Variants in OPCML observed in about 807,000 individuals in gnomAD.
OPCML encodes the protein opioid binding protein/cell adhesion molecule like.
In OPCML, 13 loss-of-function variants were observed where a neutral mutation model predicts 37.8. That is an observed-to-expected ratio of 0.34 (90% CI 0.22 to 0.55). The LOEUF (loss-of-function observed/expected upper bound fraction) is 0.55, where lower values mean the gene tolerates loss of function less well. Among genes scored for constraint, OPCML ranks in the 20% least tolerant of loss-of-function variants. The probability of loss-of-function intolerance (pLI) is 0.91; values close to 1 mark genes in which losing one functional copy is unlikely to be tolerated. For missense variants in OPCML, 341 were observed against 435.6 expected (o/e 0.78, Z 1.93); for synonymous variants, 176 against 168.8 (o/e 1.04, Z -0.33).
chr11:133,278,302 G>T (rs1942048417), intron 1 of OPCML, among the ~76,000 whole-genome samples: 2 of 151,872 alleles, frequency 1.3e-5, no homozygotes, highest in Non-Finnish European at 2.9e-5. Context: ...AATGATGAGG[G>T]TTTTGGGGTT....
chr11:133,192,261 G>A (rs1232802525), intron 1 of OPCML, among the ~76,000 whole-genome samples: 2 of 152,208 alleles, frequency 1.3e-5, no homozygotes, highest in Non-Finnish European at 2.9e-5. Context: ...TGATGGCCCT[G>A]AATGTTTTTC....
chr11:133,135,992 A>G (rs1949683682), intron 1 of OPCML, among the ~76,000 whole-genome samples: 1 of 152,174 alleles, frequency 6.6e-6, no homozygotes, highest in Non-Finnish European at 1.5e-5. Context: ...AAGAAATACC[A>G]TATTACCCTT....
chr11:133,220,087 T>C (rs1410556395), intron 1 of OPCML, among the ~76,000 whole-genome samples: 1 of 152,118 alleles, frequency 6.6e-6, no homozygotes, highest in Non-Finnish European at 1.5e-5. Context: ...CCTAAGACTG[T>C]TGAGGAAGCT....
intron 4 of OPCML, among the ~76,000 whole-genome samples, chr11:132,505,221 C>T (rs567665546): frequency 1.3e-5 from 2 of 151,892 alleles, no homozygotes; most frequent in South Asian, 2.1e-4. Flanking sequence ...ACACCAATTT[C>T]GAGAATGAGT....
At chr11:133,074,645 A>T (rs1948594091) in intron 1 of OPCML, among the ~76,000 whole-genome samples, 1 of 152,184 alleles carries the variant, frequency 6.6e-6, no homozygotes, top group Non-Finnish European at 1.5e-5. Flanking sequence ...TCTTGCCCCC[A>T]GGATCCTATG....
chr11:132,752,085 T>C (rs1004849853), intron 2 of OPCML, among the ~76,000 whole-genome samples: 1 of 152,100 alleles, frequency 6.6e-6, no homozygotes, highest in African/African-American at 2.4e-5. Context: ...AACAAGATGC[T>C]AAATAGTTGA....
At chr11:133,004,288 T>C (rs1488784864) in intron 1 of OPCML, 2 of 985,334 alleles carry the variant, frequency 2.0e-6, no homozygotes, top group Non-Finnish European at 1.2e-6. Context: ...GCAAATGTGA[T>C]TTTGCTGTAG....
chr11:133,220,009 C>T (rs1226672094), intron 1 of OPCML, among the ~76,000 whole-genome samples: 2 of 152,296 alleles, frequency 1.3e-5, no homozygotes, highest in East Asian at 3.9e-4. Flanking sequence ...TTAATGTTAA[C>T]CTGTGTCCTT....
At chr11:132,798,553 T>C (rs1293541422) in intron 2 of OPCML, among the ~76,000 whole-genome samples, 3 of 152,226 alleles carry the variant, frequency 2.0e-5, no homozygotes, top group African/African-American at 7.2e-5. Flanking sequence ...ATCATCAGGC[T>C]CCATTTCTAA....
In OPCML at chr11:132,420,212, T is replaced by A. The variant is rs1228323324; in HGVS notation, c.998A>T (p.His333Leu). The change falls in exon 8 of 8, where the codon CAC becomes CTC. Residue 333 changes from histidine to leucine, a missense_variant. His to Leu is a moderately conservative substitution (Grantham distance 99, BLOSUM62 -3). Coordinates refer to ENST00000524381, the MANE Select transcript of OPCML (RefSeq NM_001012393.5). The stretch of plus-strand genomic sequence containing the variant: ...TTCTTATCAAAACTTGATGAAGAAG[T>A]GGGCTAAGAGGGTCCCTGATAGCCA... ...CLWLSGTLLA[H>L]FFIKF 1 of 1,613,656 alleles carries A rather than the reference T, an allele frequency of 6.2e-7. No individual in the cohort carries two copies. The highest frequency in any genetic ancestry group is 1.3e-5 in the African/African-American group (1 of 74,892).
chr11:133,508,996 A>G (rs1176064633), intron 1 of OPCML, among the ~76,000 whole-genome samples: 2 of 151,856 alleles, frequency 1.3e-5, no homozygotes, highest in African/African-American at 4.8e-5. Context: ...TTAAATTTAA[A>G]TTACTACCAT....
chr11:132,604,078 C>T (rs1938110768), intron 3 of OPCML, among the ~76,000 whole-genome samples: 1 of 152,156 alleles, frequency 6.6e-6, no homozygotes, highest in South Asian at 2.1e-4. Context: ...TGGTGCTCCA[C>T]ATTTGTTAGC....
chr11:133,007,152 C>T, intron 1 of OPCML: 6 of 985,434 alleles, frequency 6.1e-6, no homozygotes, highest in Non-Finnish European at 7.2e-6. Context: ...CTTACAGGTA[C>T]ATGCCCACAG....
chr11:132,850,088 T>G (rs111357917), intron 2 of OPCML, among the ~76,000 whole-genome samples: 3 of 152,108 alleles, frequency 2.0e-5, no homozygotes, highest in African/African-American at 7.2e-5. Flanking sequence ...TATAGTGAAG[T>G]GTGTGCATTT....
chr11:133,486,473 C>G (rs527349200), intron 1 of OPCML, among the ~76,000 whole-genome samples: 1 of 151,526 alleles, frequency 6.6e-6, no homozygotes, highest in Non-Finnish European at 1.5e-5. Context: ...TTTTTTTTCT[C>G]TTCCTCAGAA....
chr11:132,452,694 A>G (rs2096071740), intron 4 of OPCML, among the ~76,000 whole-genome samples: 1 of 151,908 alleles, frequency 6.6e-6, no homozygotes, highest in Non-Finnish European at 1.5e-5. Flanking sequence ...TCACTCAACA[A>G]ACATTTTTGA....
chr11:133,182,845 G>A (rs568303928), intron 1 of OPCML, among the ~76,000 whole-genome samples: 3 of 152,266 alleles, frequency 2.0e-5, no homozygotes, highest in South Asian at 2.1e-4. Context: ...GCTGAGAACC[G>A]TCATAGATGC....
Position 133,532,330 on chromosome 11 carries a change from C to A in OPCML, c.-6G>T. On this transcript the variant is annotated 5_prime_UTR_variant, in exon 1 of 8. Coordinates refer to ENST00000524381, the MANE Select transcript of OPCML (RefSeq NM_001012393.5). ...CAGTAGGCAGGATGGTACATCTCGA[C>A]GCTGCGGTGCTCTCAGCTGCCGGGC... The A allele has an allele frequency of 1.2e-6, 2 of 1,612,960 alleles. No homozygotes were observed. Among genetic ancestry groups the A allele is most frequent in the South Asian group, 1.1e-5 (1 of 90,722 alleles).
At chr11:132,587,153 G>A (rs1352464368) in intron 3 of OPCML, among the ~76,000 whole-genome samples, 1 of 152,136 alleles carries the variant, frequency 6.6e-6, no homozygotes, top group Non-Finnish European at 1.5e-5. Flanking sequence ...AACTAGCATG[G>A]GGAAAGATGC....
Sources: allele counts gnomAD v4.1 joint callset (sites outside exome capture counted in the v4.1 genomes callset), GRCh38; gene constraint gnomAD v4.1.1; transcripts MANE v1.5; gene names NCBI Gene and HGNC (gene_info 2026-07-23, HGNC 2026-07-21).